Variants in CCDC92 observed in about 807,000 individuals in gnomAD.
CCDC92 encodes coiled-coil domain containing 92.
In CCDC92, 12 loss-of-function variants were observed where a neutral mutation model predicts 24.9. The observed-to-expected ratio is 0.48, with a 90% CI of 0.31 to 0.78. CCDC92 has a LOEUF of 0.78. Among genes scored for constraint, CCDC92 ranks in the 30% least tolerant of loss-of-function variants. CCDC92 has a pLI of 0.05. For missense variants in CCDC92, 399 were observed against 439.4 expected, an observed-to-expected ratio of 0.91 and a Z score of 0.82; for synonymous variants, 193 against 196.3, an observed-to-expected ratio of 0.98 and a Z score of 0.14.
chr12:123,969,963 T>C (rs1010316962), intron 1 of CCDC92: 20 of 152,200 alleles, frequency 1.3e-4, no homozygotes, highest in Admixed American at 1.3e-3. Flanking sequence ...AAATCATGTA[T>C]AATTAAAAAG....
chr12:123,972,204 C>G (rs1956568372), intron 1 of CCDC92: 1 of 151,980 alleles, frequency 6.6e-6, no homozygotes, highest in Non-Finnish European at 1.5e-5. Context: ...GGGGAGCCCC[C>G]TCCCCAGAAA....
At chr12:123,967,654 C>T (rs2138214992) in intron 1 of CCDC92, among the ~76,000 whole-genome samples, 1 of 152,346 alleles carries the variant, frequency 6.6e-6, no homozygotes, top group Non-Finnish European at 1.5e-5. Context: ...ATGGAACTTT[C>T]TCTTGGGAAC....
chr12:123,936,960 G>GTGT lies in CCDC92; in HGVS notation c.*95_*97dup. 7.3e-7 allele frequency: 1 copy of GTGT among 1,375,320 alleles called. No individual in the cohort carries two copies. Among genetic ancestry groups the GTGT allele is most frequent in the Non-Finnish European group, 1.0e-6 (1 of 991,754 alleles). The allele number at this position is 1,375,320 out of a possible 1,614,324, so 85.2% of individuals were successfully genotyped here. A position where few individuals can be genotyped will look rare whatever the true frequency, so the allele number is the denominator to read the frequency against. On this transcript the variant is annotated 3_prime_UTR_variant, in exon 5 of 5. Coordinates refer to ENST00000238156, the MANE Select transcript of CCDC92 (RefSeq NM_025140.3). ...GAGAATGGGTCGGTAGGTGTGAAAA[G>GTGT]TGTTTGGCATGCATGGGATTAAACA...
At chr12:123,948,187 T>C (rs1373093621) in intron 1 of CCDC92, among the ~76,000 whole-genome samples, 3 of 152,216 alleles carry the variant, frequency 2.0e-5, no homozygotes, top group Non-Finnish European at 2.9e-5. Context: ...TCACCCGCCA[T>C]GATGGCACAA....
At chr12:123,955,986 C>T (rs1275483734) in intron 1 of CCDC92, among the ~76,000 whole-genome samples, 1 of 152,184 alleles carries the variant, frequency 6.6e-6, no homozygotes, top group Non-Finnish European at 1.5e-5. Flanking sequence ...ATGCATCAAG[C>T]AAAAGCAAGC....
chr12:123,943,840 C>G (rs1312873845), intron 2 of CCDC92: 2 of 454,300 alleles, frequency 4.4e-6, no homozygotes, highest in African/African-American at 3.9e-5. Context: ...AGCCTGGGGT[C>G]ACACAGCCAG....
chr12:123,947,222 C>T (rs1176833588), intron 1 of CCDC92, among the ~76,000 whole-genome samples: 3 of 152,204 alleles, frequency 2.0e-5, no homozygotes, highest in Non-Finnish European at 2.9e-5. Context: ...GACCTGCAGC[C>T]TGCCATGCCT....
intron 1 of CCDC92, 114 bp from the exon 2 acceptor site, chr12:123,944,478 C>T: frequency 1.7e-6 from 1 of 584,992 alleles, no homozygotes; most frequent in Non-Finnish European, 2.8e-6. Flanking sequence ...GGAGGTACAA[C>T]TTCTCAATGG....
intron 4 of CCDC92, among the ~76,000 whole-genome samples, chr12:123,938,381 C>T (rs1488861230): frequency 6.6e-6 from 1 of 152,158 alleles, no homozygotes; most frequent in Non-Finnish European, 1.5e-5. Context: ...TTTCCCACTT[C>T]CTGCTCAGAG....
intron 1 of CCDC92, among the ~76,000 whole-genome samples, chr12:123,951,592 C>A (rs951291112): frequency 6.6e-6 from 1 of 152,218 alleles, no homozygotes; most frequent in East Asian, 1.9e-4. Context: ...CTACCATGAA[C>A]AACGGGAGCC....
chr12:123,958,753 C>T (rs968618888), intron 1 of CCDC92, among the ~76,000 whole-genome samples: 8 of 152,212 alleles, frequency 5.3e-5, no homozygotes, highest in African/African-American at 9.6e-5. Flanking sequence ...GATAGGGGAA[C>T]TGAGGCGTAG....
intron 1 of CCDC92, chr12:123,968,234 GTTCT>G (rs1196267010): frequency 6.6e-6 from 1 of 152,152 alleles, no homozygotes; most frequent in Non-Finnish European, 1.5e-5. Flanking sequence ...TCGTAGTAAA[GTTCT>G]TTCTGATAAA....
Position 123,972,668 on chromosome 12 carries a change from G to A in CCDC92, c.-199C>T, listed in dbSNP as rs1232065202. On this transcript the variant is annotated 5_prime_UTR_variant, in exon 1 of 5. Coordinates refer to ENST00000238156, the MANE Select transcript of CCDC92 (RefSeq NM_025140.3). ...GCTGCCTGGGCTCGGGCGCTGCCCGGGCCGGGCCGCCGAGGGAGGTCAGTG... is the reference window on the plus strand; with the variant it reads ...GCTGCCTGGGCTCGGGCGCTGCCCGAGCCGGGCCGCCGAGGGAGGTCAGTG... 1 of 147,660 alleles carries A rather than the reference G, an allele frequency of 6.8e-6. No individual in the cohort carries two copies. Among genetic ancestry groups the A allele is most frequent in the African/African-American group, 2.4e-5 (1 of 40,904 alleles). The allele number at this position is 147,660 out of a possible 1,614,324, so 9.1% of individuals were successfully genotyped here.
At chr12:123,964,616 T>C (rs111597035) in intron 1 of CCDC92, among the ~76,000 whole-genome samples, 86 of 152,302 alleles carry the variant, frequency 5.6e-4, no homozygotes, top group African/African-American at 2.0e-3. Flanking sequence ...AAAGGCTAAA[T>C]TAAATGGAAC....
intron 1 of CCDC92, among the ~76,000 whole-genome samples, chr12:123,959,525 A>G (rs1487624276): frequency 1.3e-5 from 2 of 152,132 alleles, no homozygotes; most frequent in Non-Finnish European, 2.9e-5. Context: ...GGCTGGTTTC[A>G]AACTCCTGAC....
intron 1 of CCDC92, among the ~76,000 whole-genome samples, chr12:123,958,632 C>T (rs1330850330): frequency 6.6e-6 from 1 of 152,132 alleles, no homozygotes; most frequent in South Asian, 2.1e-4. Flanking sequence ...CAAGTGTGGC[C>T]GCTTGAGTGC....
intron 1 of CCDC92, among the ~76,000 whole-genome samples, chr12:123,963,420 T>C (rs1253168307): frequency 6.6e-6 from 1 of 152,170 alleles, no homozygotes. Flanking sequence ...TAGGAGCCTA[T>C]CTGAGTGAGT....
At chr12:123,947,062 C>T (rs1241753327) in intron 1 of CCDC92, among the ~76,000 whole-genome samples, 1 of 152,188 alleles carries the variant, frequency 6.6e-6, no homozygotes, top group Non-Finnish European at 1.5e-5. Flanking sequence ...GCCGGCCCTG[C>T]CAGCCCTGCC....
chr12:123,945,339 C>T (rs1955813238), intron 1 of CCDC92: 1 of 152,182 alleles, frequency 6.6e-6, no homozygotes, highest in South Asian at 2.1e-4. Flanking sequence ...TAACCGCAAA[C>T]TCTCCTGTGT....
Sources: gnomAD v4.1 joint callset for allele counts (sites outside exome capture counted in the v4.1 genomes callset) on GRCh38, gnomAD v4.1.1 for gene constraint, MANE v1.5 for transcripts, NCBI Gene and HGNC (gene_info 2026-07-23, HGNC 2026-07-21) for gene names.